WARS2: variants seen among roughly 807,000 people sequenced by gnomAD.
The protein encoded by WARS2 is tryptophan--tRNA ligase, mitochondrial.
A neutral mutation model predicts 36.5 loss-of-function variants in WARS2; 28 were observed. The observed-to-expected ratio is 0.77, with a 90% CI of 0.57 to 1.05. The LOEUF (loss-of-function observed/expected upper bound fraction) is 1.05. WARS2 is among the 50% of genes least tolerant of loss of function. WARS2 has a pLI of 0.00. For missense variants in WARS2, 435 were observed against 456.8 expected (o/e 0.95, Z 0.44); for synonymous variants, 174 against 178.4 (o/e 0.98, Z 0.20).
intron 2 of WARS2, among the ~76,000 whole-genome samples, chr1:119,047,982 A>C (rs928303805): frequency 1.3e-5 from 2 of 152,234 alleles, no homozygotes; most frequent in African/African-American, 2.4e-5. Context: ...AACTTGGTAC[A>C]TTGCATGTCC....
intron 1 of WARS2, among the ~76,000 whole-genome samples, chr1:119,095,255 G>A (rs1653344210): frequency 6.6e-6 from 1 of 152,122 alleles, no homozygotes; most frequent in South Asian, 2.1e-4. Flanking sequence ...AATCCATTGT[G>A]AGACACCATC....
chr1:119,088,851 A>C (rs1312552501), intron 1 of WARS2, among the ~76,000 whole-genome samples: 3 of 152,300 alleles, frequency 2.0e-5, no homozygotes, highest in Non-Finnish European at 4.4e-5. Context: ...AGACAAAATT[A>C]TCTCTGCATA....
chr1:119,049,569 A>G, intron 2 of WARS2, among the ~76,000 whole-genome samples: 1 of 152,134 alleles, frequency 6.6e-6, no homozygotes, highest in East Asian at 1.9e-4. Flanking sequence ...CCAGCTACCT[A>G]TTCAGCCTCT....
intron 2 of WARS2, among the ~76,000 whole-genome samples, chr1:119,053,852 C>T (rs191987868): frequency 1.3e-5 from 2 of 152,148 alleles, no homozygotes; most frequent in Admixed American, 1.3e-4. Context: ...CAAGACTAGC[C>T]TAGGCAACAC....
Position 119,076,333 on chromosome 1 carries a change from T to G in WARS2, c.348+17A>C, listed in dbSNP as rs587643330. The stretch of plus-strand genomic sequence containing the variant: ...CTACACATAAGAGTTTTCTCAGTTC[T>G]AATCTGAGAAGCTGACCTGAGATTG... On this transcript the variant is annotated intron_variant, in intron 2 of 5. Coordinates refer to ENST00000235521, the MANE Select transcript of WARS2 (RefSeq NM_015836.4). 1 of 1,613,896 alleles carries G rather than the reference T, an allele frequency of 6.2e-7. No individual in the cohort carries two copies. Among genetic ancestry groups the G allele is most frequent in the East Asian group, 2.2e-5 (1 of 44,884 alleles).
chr1:119,049,203 G>A (rs909830463), intron 2 of WARS2, among the ~76,000 whole-genome samples: 2 of 152,226 alleles, frequency 1.3e-5, no homozygotes, highest in Non-Finnish European at 2.9e-5. Flanking sequence ...ACACCAGCGG[G>A]CCACTGACGG....
rs1019324021 is a variant in WARS2 at position 119,033,121 on chromosome 1, C to T, written c.873G>A (p.Val291=). Residue 291 remains valine, a synonymous_variant, in exon 6 of 6, where the codon GTG becomes GTA. Coordinates refer to ENST00000235521, the MANE Select transcript of WARS2 (RefSeq NM_015836.4). ...AVTGLSVEEV[V]RRSAGMNTAR... The stretch of plus-strand genomic sequence containing the variant: ...CAGTGTTCATGCCCGCGCTGCGGCG[C>T]ACCACTTCCTCCACGGAGAGCCCCG... 6.2e-7 allele frequency: 1 copy of T among 1,614,194 alleles called. No homozygotes were observed. Among genetic ancestry groups the T allele is most frequent in the South Asian group, 1.1e-5 (1 of 91,090 alleles).
At chr1:119,099,695 A>G (rs1487273080) in intron 1 of WARS2, among the ~76,000 whole-genome samples, 7 of 152,222 alleles carry the variant, frequency 4.6e-5, no homozygotes. Flanking sequence ...ACAAACTTAC[A>G]CTGGAGAAGG....
At chr1:119,114,543 G>A (rs1301396204) in intron 1 of WARS2, among the ~76,000 whole-genome samples, 2 of 152,140 alleles carry the variant, frequency 1.3e-5, no homozygotes, top group East Asian at 1.9e-4. Flanking sequence ...CAGATAACCT[G>A]AACAAGGTAA....
intron 1 of WARS2, among the ~76,000 whole-genome samples, chr1:119,119,796 T>C (rs1389900553): frequency 6.6e-6 from 1 of 152,082 alleles, no homozygotes; most frequent in Non-Finnish European, 1.5e-5. Context: ...TCAAATAATC[T>C]GTTACTGAAT....
intron 2 of WARS2, among the ~76,000 whole-genome samples, chr1:119,060,667 A>G (rs897829800): frequency 2.0e-5 from 3 of 152,204 alleles, no homozygotes; most frequent in African/African-American, 7.2e-5. Flanking sequence ...AAGCAGGCAG[A>G]AACTAGGGGT....
intron 2 of WARS2, among the ~76,000 whole-genome samples, chr1:119,051,192 C>T (rs187486672): frequency 6.6e-6 from 1 of 152,160 alleles, no homozygotes; most frequent in Non-Finnish European, 1.5e-5. Context: ...CCATTCGACA[C>T]CCTTAAGTAG....
At chr1:119,051,828 C>T (rs896016297) in intron 2 of WARS2, among the ~76,000 whole-genome samples, 12 of 138,450 alleles carry the variant, frequency 8.7e-5, no homozygotes, top group Admixed American at 2.4e-4. Flanking sequence ...AGTGTAGTGG[C>T]GCGATCGGCA....
chr1:119,033,387 AC>A, intron 5 of WARS2, 28 bp from the exon 6 acceptor site: 1 of 1,611,598 alleles, frequency 6.2e-7, no homozygotes, highest in Non-Finnish European at 8.5e-7. Flanking sequence ...ACACACACAT[AC>A]CCAAAACAAA....
At chr1:119,135,701 A>AT (rs1656434551) in intron 1 of WARS2, among the ~76,000 whole-genome samples, 1 of 150,552 alleles carries the variant, frequency 6.6e-6, no homozygotes, top group Non-Finnish European at 1.5e-5. Context: ...ATAGAGATAG[A>AT]TAGATTAGAT....
chr1:119,056,187 T>A (rs1399493536), intron 2 of WARS2, among the ~76,000 whole-genome samples: 4 of 51,322 alleles, frequency 7.8e-5, no homozygotes, highest in Non-Finnish European at 2.0e-4. Flanking sequence ...GCCTGGCTAA[T>A]TTTTTTTTTT....
At chr1:119,086,865 T>C (rs1229614725) in intron 1 of WARS2, among the ~76,000 whole-genome samples, 1 of 152,158 alleles carries the variant, frequency 6.6e-6, no homozygotes, top group African/African-American at 2.4e-5. Context: ...CTCAGCTGAC[T>C]ACTTGCCTTT....
chr1:119,098,168 G>C (rs2101441467), intron 1 of WARS2, among the ~76,000 whole-genome samples: 1 of 152,180 alleles, frequency 6.6e-6, no homozygotes, highest in African/African-American at 2.4e-5. Flanking sequence ...AGAATCGCTT[G>C]AACCCAGGAG....
intron 1 of WARS2, among the ~76,000 whole-genome samples, chr1:119,102,974 G>A (rs774783990): frequency 9.2e-5 from 14 of 152,076 alleles, no homozygotes; most frequent in Non-Finnish European, 1.5e-4. Flanking sequence ...TTTTGTCTTT[G>A]TTGGTTCCTC....
Sources: gnomAD v4.1 joint callset for allele counts (sites outside exome capture counted in the v4.1 genomes callset) on GRCh38, gnomAD v4.1.1 for gene constraint, MANE v1.5 for transcripts, NCBI Gene and HGNC (gene_info 2026-07-23, HGNC 2026-07-21) for gene names.